Variants in DLG2 observed in about 807,000 individuals in gnomAD.
DLG2 encodes disks large homolog 2.
Under a neutral mutation model 132.5 loss-of-function variants are expected in DLG2, and 45 were observed. The ratio of observed to expected loss-of-function variants is 0.34; its 90% CI spans 0.27 to 0.44. The LOEUF is 0.44. DLG2 is among the 20% of genes least tolerant of loss of function. DLG2 has a pLI of 1.00. For synonymous variants in DLG2, 424 were observed against 419.6 expected (o/e 1.01, Z -0.13); for missense variants, 1,045 against 1,196.9 (o/e 0.87, Z 1.87).
At chr11:84,682,022 G>A (rs565689562) in intron 6 of DLG2, among the ~76,000 whole-genome samples, 2 of 152,224 alleles carry the variant, frequency 1.3e-5, no homozygotes, top group East Asian at 3.9e-4. Context: ...ATAGAAGGGA[G>A]GGAGGTGCCA....
intron 17 of DLG2, among the ~76,000 whole-genome samples, chr11:83,821,413 T>C (rs918697005): frequency 2.6e-4 from 40 of 151,872 alleles, no homozygotes; most frequent in Admixed American, 1.4e-3. Context: ...AGAAACTTAT[T>C]ATGGATTTTT....
At chr11:85,201,416 T>C (rs1007870737) in intron 4 of DLG2, among the ~76,000 whole-genome samples, 10 of 152,136 alleles carry the variant, frequency 6.6e-5, no homozygotes, top group African/African-American at 2.4e-4. Context: ...CAGTCTTCTA[T>C]ACCTAGGTCC....
chr11:83,710,252 T>C (rs1006751287), intron 18 of DLG2, among the ~76,000 whole-genome samples: 1 of 151,906 alleles, frequency 6.6e-6, no homozygotes, highest in Non-Finnish European at 1.5e-5. Context: ...AATCTCCGCC[T>C]CCTGGATTCA....
intron 7 of DLG2, among the ~76,000 whole-genome samples, chr11:84,352,898 A>T (rs2098587831): frequency 1.3e-5 from 2 of 152,168 alleles, no homozygotes; most frequent in Admixed American, 1.3e-4. Context: ...AGCTAAAGAG[A>T]ACACATAGAA....
intron 19 of DLG2, among the ~76,000 whole-genome samples, chr11:83,544,167 G>A (rs1347070250): frequency 2.0e-5 from 3 of 152,080 alleles, no homozygotes; most frequent in African/African-American, 7.2e-5. Flanking sequence ...GAGGACTCTC[G>A]GAAACTTGCA....
In DLG2 at chr11:85,546,653, T is replaced by G. The variant is rs367926339; in HGVS notation, c.40+52004A>C. 8.5e-5 allele frequency among the ~76,000 whole-genome samples: 13 copies of G among 152,160 alleles called. No homozygotes were observed. The East Asian group carries it at 2.1e-3, about 25-fold the overall frequency. ...ATCTCTTTGTGTGTCTCTAAGAACT[T>G]GTTTTATGAATCTGGGTGCTCCTGT... On this transcript the variant is annotated intron_variant, in intron 3 of 27. Coordinates refer to ENST00000376104, the MANE Select transcript of DLG2 (RefSeq NM_001142699.3).
chr11:85,587,093 T>C (rs1244481139), intron 3 of DLG2, among the ~76,000 whole-genome samples: 1 of 152,182 alleles, frequency 6.6e-6, no homozygotes, highest in Non-Finnish European at 1.5e-5. Flanking sequence ...CTTAAATTAA[T>C]ATTGAGACTT....
At chr11:85,086,925 C>T (rs377033799) in intron 6 of DLG2, among the ~76,000 whole-genome samples, 9 of 152,082 alleles carry the variant, frequency 5.9e-5, no homozygotes, top group African/African-American at 1.7e-4. Context: ...TAACATAATA[C>T]GAAAGCTTAG....
At chr11:85,536,948 T>C (rs1322785792) in intron 3 of DLG2, among the ~76,000 whole-genome samples, 1 of 152,202 alleles carries the variant, frequency 6.6e-6, no homozygotes, top group African/African-American at 2.4e-5. Flanking sequence ...ATTGGGCTTC[T>C]GGGACAGGTG....
intron 5 of DLG2, among the ~76,000 whole-genome samples, chr11:85,115,064 T>G (rs1361333601): frequency 6.6e-6 from 1 of 151,888 alleles, no homozygotes; most frequent in East Asian, 1.9e-4. Context: ...AGTAAAATGA[T>G]CCTCATAAAC....
intron 2 of DLG2, among the ~76,000 whole-genome samples, chr11:85,616,859 A>C (rs1255182312): frequency 6.6e-6 from 1 of 152,198 alleles, no homozygotes; most frequent in East Asian, 1.9e-4. Context: ...ACATTCTAGA[A>C]AAAGGTAAAA....
Position 84,084,017 on chromosome 11 carries a change from G to T in DLG2, c.749+14906C>A, listed in dbSNP as rs147529066. ...ATAATCAGGAATTCCTTGACCAGAG[G>T]GCCGCAGTTCACTCCAGTAGATATG... On this transcript the variant is annotated intron_variant, in intron 10 of 27. Coordinates refer to ENST00000376104, the MANE Select transcript of DLG2 (RefSeq NM_001142699.3). Among the ~76,000 whole-genome samples the T allele has an allele frequency of 7.7e-3, 1,176 of 152,060 alleles. 8 individuals carry two copies. The highest frequency in any genetic ancestry group is 0.027 in the African/African-American group (1,120 of 41,436).
At chr11:85,611,659 GA>G (rs1184187517) in intron 2 of DLG2, among the ~76,000 whole-genome samples, 1 of 152,234 alleles carries the variant, frequency 6.6e-6, no homozygotes, top group Non-Finnish European at 1.5e-5. Context: ...TTATAACTGG[GA>G]AAGGGAAAAA....
chr11:84,836,078 G>A (rs540066610), intron 6 of DLG2, among the ~76,000 whole-genome samples: 1 of 151,784 alleles, frequency 6.6e-6, no homozygotes, highest in South Asian at 2.1e-4. Flanking sequence ...CTTACCCTGA[G>A]GCAGTTACTC....
chr11:85,506,660 G>C (rs1397898850), intron 3 of DLG2, among the ~76,000 whole-genome samples: 1 of 152,342 alleles, frequency 6.6e-6, no homozygotes, highest in East Asian at 1.9e-4. Context: ...TTTGGAATAA[G>C]TGCAATGTGG....
intron 6 of DLG2, among the ~76,000 whole-genome samples, chr11:84,736,912 A>G (rs1295333518): frequency 6.6e-6 from 1 of 152,014 alleles, no homozygotes; most frequent in Non-Finnish European, 1.5e-5. Context: ...AAAAGTAGTG[A>G]AAGTGGATAT....
At chr11:83,616,211 G>A (rs547603087) in intron 19 of DLG2, among the ~76,000 whole-genome samples, 86 of 152,240 alleles carry the variant, frequency 5.6e-4, no homozygotes, top group African/African-American at 1.9e-3. Context: ...GCACATCCCT[G>A]TATATATTTT....
At chr11:84,494,266 C>T (rs1403199665) in intron 7 of DLG2, among the ~76,000 whole-genome samples, 6 of 152,138 alleles carry the variant, frequency 3.9e-5, no homozygotes, top group African/African-American at 1.4e-4. Context: ...ATATGCTGCC[C>T]ATGCCTTTGG....
intron 13 of DLG2, 63 bp from the exon 14 acceptor site, chr11:83,963,086 A>C: frequency 6.5e-7 from 1 of 1,538,514 alleles, no homozygotes. Flanking sequence ...GTGTCATGCT[A>C]TACTTCAGAA....
Sources: gnomAD v4.1 joint callset for allele counts (sites outside exome capture counted in the v4.1 genomes callset) on GRCh38, gnomAD v4.1.1 for gene constraint, MANE v1.5 for transcripts, NCBI Gene and HGNC (gene_info 2026-07-23, HGNC 2026-07-21) for gene names.